Variants in PLPPR1 observed in about 807,000 individuals in gnomAD.
PLPPR1 encodes the protein phospholipid phosphatase related 1.
Under a neutral mutation model 33.1 loss-of-function variants are expected in PLPPR1, and 10 were observed. That is an observed-to-expected ratio of 0.30 (90% CI 0.19 to 0.51). PLPPR1 has a LOEUF of 0.51. Ranked by LOEUF, PLPPR1 falls within the 20% of genes least tolerant of loss-of-function variation. The pLI, the probability that PLPPR1 is intolerant of heterozygous loss-of-function variation, is 0.97. For synonymous variants in PLPPR1, 151 were observed against 151.0 expected, an observed-to-expected ratio of 1.00 and a Z score of 0.00; for missense variants, 304 against 408.1, an observed-to-expected ratio of 0.74 and a Z score of 2.20.
At chr9:101,187,447 TGG>T (rs1826224304) in intron 2 of PLPPR1, 2 of 151,984 alleles carry the variant, frequency 1.3e-5, no homozygotes, top group African/African-American at 4.8e-5. Context: ...TCTAAAAATC[TGG>T]GAGAGGAAAG....
intron 1 of PLPPR1, among the ~76,000 whole-genome samples, chr9:101,050,186 C>T (rs1014620787): frequency 5.3e-5 from 8 of 150,556 alleles, no homozygotes; most frequent in East Asian, 1.9e-4. Context: ...ACACTTAGAC[C>T]GGACAACTAT....
intron 1 of PLPPR1, among the ~76,000 whole-genome samples, chr9:101,149,788 G>A (rs1831560467): frequency 6.6e-6 from 1 of 152,034 alleles, no homozygotes; most frequent in Non-Finnish European, 1.5e-5. Flanking sequence ...ACTATGTCAG[G>A]CTTTCCTAGG....
chr9:101,310,745 G>A (rs1013578935), intron 5 of PLPPR1, among the ~76,000 whole-genome samples: 2 of 152,172 alleles, frequency 1.3e-5, no homozygotes, highest in African/African-American at 4.8e-5. Flanking sequence ...AAAACAACCA[G>A]GAGCAGATAG....
intron 1 of PLPPR1, among the ~76,000 whole-genome samples, chr9:101,065,235 G>A (rs1588013696): frequency 6.6e-6 from 1 of 151,966 alleles, no homozygotes; most frequent in Non-Finnish European, 1.5e-5. Flanking sequence ...CCTCCTCCAT[G>A]CACAGAACGC....
At chr9:101,219,019 G>A (rs952249126) in intron 2 of PLPPR1, among the ~76,000 whole-genome samples, 1 of 152,168 alleles carries the variant, frequency 6.6e-6, no homozygotes, top group African/African-American at 2.4e-5. Flanking sequence ...AATTGACTGA[G>A]TCAGCAGAGG....
intron 1 of PLPPR1, chr9:101,125,740 G>C (rs1831238478): frequency 1.2e-6 from 1 of 818,750 alleles, no homozygotes; most frequent in Non-Finnish European, 1.8e-6. Context: ...TGAATTTGTG[G>C]TTATAATTGA....
intron 1 of PLPPR1, among the ~76,000 whole-genome samples, chr9:101,166,030 G>A (rs1825853830): frequency 1.3e-5 from 2 of 152,034 alleles, no homozygotes; most frequent in African/African-American, 2.4e-5. Context: ...ATCAGATCAT[G>A]GAAGTTTTCT....
intron 1 of PLPPR1, among the ~76,000 whole-genome samples, chr9:101,086,200 T>C (rs1191288403): frequency 1.4e-4 from 22 of 152,188 alleles, no homozygotes; most frequent in Admixed American, 1.4e-3. Flanking sequence ...ACTCAACTCA[T>C]GTCATCACTT....
intron 3 of PLPPR1, among the ~76,000 whole-genome samples, chr9:101,285,505 TGAGTA>T (rs1370304469): frequency 1.3e-5 from 2 of 152,204 alleles, no homozygotes; most frequent in African/African-American, 2.4e-5. Context: ...GTAATGCAGT[TGAGTA>T]AAGTCCTCAC....
chr9:101,195,421 A>G (rs1313014553), intron 2 of PLPPR1, among the ~76,000 whole-genome samples: 3 of 152,100 alleles, frequency 2.0e-5, no homozygotes, highest in Non-Finnish European at 4.4e-5. Context: ...GACATATTCT[A>G]TTTCATAAAG....
intron 1 of PLPPR1, among the ~76,000 whole-genome samples, chr9:101,169,417 T>G (rs1287005701): frequency 6.6e-6 from 1 of 152,178 alleles, no homozygotes; most frequent in African/African-American, 2.4e-5. Flanking sequence ...ATTAGGGCAA[T>G]GCCCTTCTAG....
intron 1 of PLPPR1, among the ~76,000 whole-genome samples, chr9:101,171,900 T>G (rs1367730814): frequency 6.6e-6 from 1 of 152,186 alleles, no homozygotes; most frequent in Non-Finnish European, 1.5e-5. Context: ...TTAACCTGTG[T>G]CAAAGATGAG....
At chr9:101,290,851 G>T (rs1828485425) in intron 4 of PLPPR1, among the ~76,000 whole-genome samples, 1 of 152,232 alleles carries the variant, frequency 6.6e-6, no homozygotes, top group Non-Finnish European at 1.5e-5. Flanking sequence ...CTCTCAGCGT[G>T]AGTGACGCAG....
At chr9:101,122,231 T>C (rs937726551) in intron 1 of PLPPR1, among the ~76,000 whole-genome samples, 1 of 152,224 alleles carries the variant, frequency 6.6e-6, no homozygotes, top group Non-Finnish European at 1.5e-5. Context: ...TGAAGGCTAA[T>C]CTCACCACAG....
At chr9:101,193,072 T>G (rs1826330519) in intron 2 of PLPPR1, among the ~76,000 whole-genome samples, 1 of 152,120 alleles carries the variant, frequency 6.6e-6, no homozygotes, top group African/African-American at 2.4e-5. Context: ...TCTTCAGAAT[T>G]GAGGCTCTAC....
chr9:101,092,735 A>G (rs1311654203), intron 1 of PLPPR1, among the ~76,000 whole-genome samples: 4 of 151,940 alleles, frequency 2.6e-5, no homozygotes, highest in Non-Finnish European at 5.9e-5. Flanking sequence ...CTTATTACGG[A>G]CTAATTGTTT....
chr9:101,287,566 C>A (rs1403439361), intron 4 of PLPPR1, among the ~76,000 whole-genome samples: 1 of 152,156 alleles, frequency 6.6e-6, no homozygotes, highest in Non-Finnish European at 1.5e-5. Flanking sequence ...AGTGGCACGA[C>A]CTCGGCTCAC....
chr9:101,098,012 A>C, intron 1 of PLPPR1, among the ~76,000 whole-genome samples: 1 of 147,560 alleles, frequency 6.8e-6, no homozygotes, highest in Non-Finnish European at 1.5e-5. Context: ...ATAACACTGA[A>C]CCTGAACATG....
At chr9:101,091,328 C>T (rs780916238) in intron 1 of PLPPR1, among the ~76,000 whole-genome samples, 1 of 152,230 alleles carries the variant, frequency 6.6e-6, no homozygotes, top group East Asian at 1.9e-4. Context: ...AAATGTACAA[C>T]TTTAGTATCT....
Sources: allele counts gnomAD v4.1 joint callset (sites outside exome capture counted in the v4.1 genomes callset), GRCh38; gene constraint gnomAD v4.1.1; transcripts MANE v1.5; gene names NCBI Gene and HGNC (gene_info 2026-07-23, HGNC 2026-07-21).